HNRNPR: variants seen among roughly 807,000 people sequenced by gnomAD.
The protein encoded by HNRNPR is heterogeneous nuclear ribonucleoprotein R.
HNRNPR carries 4 observed loss-of-function variants against 70.3 expected under a neutral mutation model. The observed-to-expected ratio is 0.06, with a 90% CI of 0.03 to 0.13. The LOEUF is 0.13. Ranked by LOEUF, HNRNPR falls within the 10% of genes least tolerant of loss-of-function variation. The pLI, the probability that HNRNPR is intolerant of heterozygous loss-of-function variation, is 1.00. For synonymous variants in HNRNPR, 241 were observed against 267.6 expected (o/e 0.90, Z 0.97); for missense variants, 423 against 788.5 (o/e 0.54, Z 5.55).
At chr1:23,311,129 GTTTTA>G (rs1645320244) in intron 10 of HNRNPR, 63 bp from the exon 11 acceptor site, 5 of 1,607,896 alleles carry the variant, frequency 3.1e-6, no homozygotes, top group Non-Finnish European at 4.2e-6. Flanking sequence ...CTCTGATTTT[GTTTTA>G]TTAATCTGAT....
At chr1:23,342,029 A>G (rs576860031) in intron 1 of HNRNPR, among the ~76,000 whole-genome samples, 3 of 152,350 alleles carry the variant, frequency 2.0e-5, no homozygotes, top group Admixed American at 6.5e-5. Context: ...TGTGATGAAG[A>G]TAATAGGCAG....
chr1:23,343,083 T>C (rs1646765387), intron 1 of HNRNPR, among the ~76,000 whole-genome samples: 1 of 152,234 alleles, frequency 6.6e-6, no homozygotes, highest in Non-Finnish European at 1.5e-5. Context: ...TGAGACCATT[T>C]GAAACTCATT....
At chr1:23,321,948 T>A (rs1486449737) in intron 6 of HNRNPR, among the ~76,000 whole-genome samples, 1 of 152,172 alleles carries the variant, frequency 6.6e-6, no homozygotes, top group Non-Finnish European at 1.5e-5. Flanking sequence ...TCTGAAAATG[T>A]TTTTCCACAG....
intron 5 of HNRNPR, among the ~76,000 whole-genome samples, chr1:23,331,810 T>A (rs1299210836): frequency 1.7e-5 from 2 of 116,954 alleles, no homozygotes; most frequent in Non-Finnish European, 3.3e-5. Flanking sequence ...AACTCCAGTC[T>A]GGGTGACAGT....
chr1:23,324,134 A>G (rs1255032205), intron 5 of HNRNPR, among the ~76,000 whole-genome samples: 1 of 151,860 alleles, frequency 6.6e-6, no homozygotes, highest in Admixed American at 6.6e-5. Flanking sequence ...GCAACATGGC[A>G]AAACCCCATT....
intron 1 of HNRNPR, among the ~76,000 whole-genome samples, chr1:23,342,042 G>C (rs563881917): frequency 3.3e-5 from 5 of 152,238 alleles, no homozygotes; most frequent in East Asian, 1.9e-4. Context: ...ATAGGCAGCA[G>C]AACAAGACAT....
chr1:23,325,973 AC>A (rs1392045393), intron 5 of HNRNPR, among the ~76,000 whole-genome samples: 1 of 151,880 alleles, frequency 6.6e-6, no homozygotes, highest in African/African-American at 2.4e-5. Context: ...TAATCCTCCC[AC>A]CTCAGCCTCT....
chr1:23,326,555 C>T (rs759135362), intron 5 of HNRNPR, among the ~76,000 whole-genome samples: 20 of 152,086 alleles, frequency 1.3e-4, no homozygotes, highest in Non-Finnish European at 2.1e-4. Flanking sequence ...GAGGCTGAGA[C>T]GGGCGGAATA....
chr1:23,315,309 A>G (rs2148334448), intron 8 of HNRNPR, among the ~76,000 whole-genome samples: 1 of 151,206 alleles, frequency 6.6e-6, no homozygotes, highest in South Asian at 2.1e-4. Flanking sequence ...AAAAAAACAA[A>G]AACCCAAAAA....
intron 1 of HNRNPR, 144 bp from the exon 2 acceptor site, chr1:23,341,161 T>C (rs545591376): frequency 1.7e-4 from 99 of 593,122 alleles, no homozygotes; most frequent in African/African-American, 1.6e-3. Context: ...CTGTGATGTA[T>C]CTGACCTAAA....
chr1:23,328,109 C>G (rs1019761991), intron 5 of HNRNPR, among the ~76,000 whole-genome samples: 4 of 152,078 alleles, frequency 2.6e-5, no homozygotes, highest in African/African-American at 9.7e-5. Flanking sequence ...CTCAACATAT[C>G]TGAAGAACAG....
intron 8 of HNRNPR, among the ~76,000 whole-genome samples, chr1:23,315,879 TAC>T (rs948337960): frequency 3.9e-5 from 6 of 152,336 alleles, no homozygotes; most frequent in Non-Finnish European, 7.4e-5. Flanking sequence ...GCCTCTATGT[TAC>T]ACAGACTCCC....
At chr1:23,343,725 G>A (rs1646793095) in intron 1 of HNRNPR, among the ~76,000 whole-genome samples, 1 of 152,150 alleles carries the variant, frequency 6.6e-6, no homozygotes, top group East Asian at 1.9e-4. Context: ...CTTTTCTCCC[G>A]GCTCAGATAA....
At chr1:23,317,495 G>A (rs969970233) in intron 8 of HNRNPR, among the ~76,000 whole-genome samples, 1 of 151,792 alleles carries the variant, frequency 6.6e-6, no homozygotes, top group African/African-American at 2.4e-5. Context: ...CCCAGGAGTC[G>A]CCCAAAGGAA....
intron 4 of HNRNPR, among the ~76,000 whole-genome samples, chr1:23,335,406 C>G (rs926385035): frequency 1.3e-5 from 2 of 152,222 alleles, no homozygotes; most frequent in Admixed American, 1.3e-4. Flanking sequence ...CCGTACTGGT[C>G]CATGGCCTGT....
In HNRNPR at chr1:23,305,071, C is replaced by G. The variant is rs1057185077; in HGVS notation, c.*5383G>C. On this transcript the variant is annotated 3_prime_UTR_variant, in exon 11 of 11. Transcript: ENST00000302271. The stretch of plus-strand genomic sequence containing the variant: ...ACAAATCTACTATATAAAGTGAGAG[C>G]CCTTATTTAAATTTGAGCAATTTAA... 6.6e-6 allele frequency: 1 copy of G among 152,088 alleles called. No individual in the cohort carries two copies. Among genetic ancestry groups the G allele is most frequent in the African/African-American group, 2.4e-5 (1 of 41,394 alleles). The allele number at this position is 152,088 out of a possible 1,614,324, so 9.4% of individuals were successfully genotyped here.
chr1:23,316,107 T>C (rs1320975152), intron 8 of HNRNPR, among the ~76,000 whole-genome samples: 4 of 152,200 alleles, frequency 2.6e-5, no homozygotes, highest in Non-Finnish European at 4.4e-5. Context: ...TGTAAATTGA[T>C]AGTGTGAATA....
chr1:23,320,058 G>A (rs1645695985), intron 7 of HNRNPR, among the ~76,000 whole-genome samples: 1 of 151,850 alleles, frequency 6.6e-6, no homozygotes, highest in Non-Finnish European at 1.5e-5. Flanking sequence ...TATATTCTTG[G>A]TCTTATCTCC....
chr1:23,312,783 C>G (rs892027641), intron 9 of HNRNPR, among the ~76,000 whole-genome samples: 1 of 152,094 alleles, frequency 6.6e-6, no homozygotes, highest in African/African-American at 2.4e-5. Flanking sequence ...GAAAAAGAAC[C>G]ATGCCTGTGT....
Sources: gnomAD v4.1 joint callset for allele counts (sites outside exome capture counted in the v4.1 genomes callset) on GRCh38, gnomAD v4.1.1 for gene constraint, MANE v1.5 for transcripts, NCBI Gene and HGNC (gene_info 2026-07-23, HGNC 2026-07-21) for gene names.